Variants in NOL7 observed in about 807,000 individuals in gnomAD.
The protein encoded by NOL7 is U3 small nucleolar RNA-associated protein NOL7.
A neutral mutation model predicts 38.4 loss-of-function variants in NOL7; 36 were observed. The ratio of observed to expected loss-of-function variants is 0.94; its 90% CI spans 0.72 to 1.24. The LOEUF (loss-of-function observed/expected upper bound fraction) is 1.24. Ranked by LOEUF, NOL7 falls within the 50% of genes most tolerant of loss-of-function variation. NOL7 has a pLI of 0.00. For missense variants in NOL7, 350 were observed against 315.1 expected (o/e 1.11, Z -0.84); for synonymous variants, 142 against 126.5 (o/e 1.12, Z -0.82).
downstream of NOL7, chr6:13,625,896 C>T (rs550525650): frequency 6.9e-6 from 4 of 581,162 alleles, no homozygotes; most frequent in Admixed American, 1.0e-4. Context: ...CCCATTTACT[C>T]CCAGCACTGG....
intron 3 of NOL7, 111 bp downstream of exon 3, chr6:13,616,632 C>A: frequency 1.5e-6 from 1 of 657,072 alleles, no homozygotes; most frequent in African/African-American, 1.9e-5. Flanking sequence ...AACCCAAATT[C>A]AAAAGCTACC....
downstream of NOL7, chr6:13,622,198 A>G (rs1166117412): frequency 1.9e-5 from 12 of 623,842 alleles, no homozygotes; most frequent in Non-Finnish European, 2.8e-5. Context: ...ACACTAAGTT[A>G]GAAAATCATT....
chr6:13,624,874 G>C (rs990420958), downstream of NOL7, among the ~76,000 whole-genome samples: 2 of 152,098 alleles, frequency 1.3e-5, no homozygotes, highest in African/African-American at 4.8e-5. Flanking sequence ...GATCCTGCCG[G>C]GTACTCACAA....
At position 13,616,474 on chromosome 6, in the gene NOL7, C is replaced by T. The variant is rs756204820; in HGVS notation, c.339C>T (p.Leu113=). ...TTTCATTCCAAAAGAAAAGAAAACT[C>T]CTTCCAGACACTATTTTGGAGAAGT... ...ELFIEQKKRK[L]LPDTILEKLT... The change falls in exon 3 of 8, where the codon CTC becomes CTT. Residue 113 remains leucine (L), a synonymous_variant. Coordinates refer to ENST00000451315, the MANE Select transcript of NOL7 (RefSeq NM_016167.5). 9 of 1,607,400 alleles carry T rather than the reference C, an allele frequency of 5.6e-6. No individual in the cohort carries two copies. Among genetic ancestry groups the T allele is most frequent in the Non-Finnish European group, 7.6e-6 (9 of 1,176,820 alleles).
chr6:13,615,590 G>A lies in NOL7; in HGVS notation c.232G>A (p.Glu78Lys), dbSNP rs948415593. The A allele has an allele frequency of 1.9e-6, 3 of 1,582,612 alleles. No homozygotes were observed. The highest frequency in any genetic ancestry group is 2.6e-6 in the Non-Finnish European group (3 of 1,162,960). The change falls in exon 1 of 8, where the codon GAA becomes AAA. Residue 78 changes from glutamate to lysine, a missense_variant. Glu to Lys is a moderately conservative substitution (Grantham distance 56). Coordinates refer to ENST00000451315, the MANE Select transcript of NOL7 (RefSeq NM_016167.5). ...CGCCAGCGCCCAGGCGGAAGCGAGA[G>A]AAGAGGAGCGGCGAGTGCGGGAGAC... Reference protein sequence around the residue: ...TFASAQAEAREEERRVRETVR... With the variant: ...TFASAQAEARKEERRVRETVR...
chr6:13,625,629 T>G (rs1427102577), downstream of NOL7: 1 of 1,502,308 alleles, frequency 6.7e-7, no homozygotes, highest in Non-Finnish European at 9.3e-7. Context: ...TAACTGAAAT[T>G]GTGCCTTATT....
At chr6:13,625,971 G>A (rs1764591285), downstream of NOL7, among the ~76,000 whole-genome samples, 1 of 151,842 alleles carries the variant, frequency 6.6e-6, no homozygotes, top group Non-Finnish European at 1.5e-5. Flanking sequence ...TTTTTCCTGT[G>A]GACAGCCATT....
downstream of NOL7, among the ~76,000 whole-genome samples, chr6:13,624,450 C>T (rs986386787): frequency 3.3e-5 from 5 of 152,166 alleles, no homozygotes; most frequent in African/African-American, 1.2e-4. Context: ...GCACAGACTT[C>T]TAAACTAGAC....
chr6:13,628,555 C>T (rs1197409786), intron 8 of NOL7, among the ~76,000 whole-genome samples: 1 of 152,090 alleles, frequency 6.6e-6, no homozygotes, highest in Non-Finnish European at 1.5e-5. Context: ...AGAAGGATCA[C>T]ACAAAAACAC....
chr6:13,620,199 G>C lies in NOL7; in HGVS notation c.501-9G>C. ...TAATTCTTATTTAACCTTTTATATT[G>C]ATCAACAGCCAGAATAAAAGCTACT... On this transcript the variant is annotated splice_polypyrimidine_tract_variant and intron_variant, in intron 5 of 7. Coordinates refer to ENST00000451315, the MANE Select transcript of NOL7 (RefSeq NM_016167.5). 6 of 1,602,352 alleles carry C rather than the reference G, an allele frequency of 3.7e-6. No homozygotes were observed. Among genetic ancestry groups the C allele is most frequent in the Non-Finnish European group, 5.1e-6 (6 of 1,176,862 alleles).
rs554448328 is a variant in NOL7 at position 13,621,073 on chromosome 6, C to T, written c.*246C>T. ...AGCCATACCCACATCAGCAACAGCA[C>T]CTCTTCTACTCTCCCCGGGTTAGAG... On this transcript the variant is annotated 3_prime_UTR_variant, in exon 8 of 8. Coordinates refer to ENST00000451315, the MANE Select transcript of NOL7 (RefSeq NM_016167.5). The T allele has an allele frequency of 3.8e-6, 1 of 262,654 alleles. No homozygotes were observed. Among genetic ancestry groups the T allele is most frequent in the Non-Finnish European group, 7.3e-6 (1 of 136,622 alleles). The allele number at this position is 262,654 out of a possible 1,614,324, so 16.3% of individuals were successfully genotyped here.
rs755873110 is a variant in NOL7 at position 13,618,083 on chromosome 6, CTG to C, written c.447_448del (p.Cys149Ter). On this transcript the variant is annotated frameshift_variant, in exon 5 of 8. Coordinates refer to ENST00000451315, the MANE Select transcript of NOL7 (RefSeq NM_016167.5). LOFTEE classifies it high-confidence loss of function. The stretch of plus-strand genomic sequence containing the variant: ...TTAATTTGCAAAAGAAAAATGAAGA[CTG>C]TGAAAAAGGAAATGACTCCAAGAAA... ...EVNLQKKNED[C>X]EKGNDSKKVK... is the part of the protein sequence containing the mutation. 1.2e-5 allele frequency: 19 copies of C among 1,570,718 alleles called. No homozygotes were observed. The highest frequency in any genetic ancestry group is 6.7e-5 in the East Asian group (3 of 44,684).
chr6:13,632,270 T>C, intron 8 of NOL7: 1 of 1,257,822 alleles, frequency 8.0e-7, no homozygotes, highest in South Asian at 1.5e-5. Context: ...CAGGTCCCAG[T>C]TCCCTAACAA....
chr6:13,630,146 G>A (rs11965022), intron 8 of NOL7, among the ~76,000 whole-genome samples: 3,955 of 152,176 alleles, frequency 0.026, 153 homozygotes, highest in African/African-American at 0.088. Context: ...TGGGTCAGTT[G>A]CTCACCTTAT....
chr6:13,627,890 T>C (rs1278419735), intron 8 of NOL7, among the ~76,000 whole-genome samples: 1 of 151,826 alleles, frequency 6.6e-6, no homozygotes, highest in Non-Finnish European at 1.5e-5. Context: ...AAGACTACAC[T>C]GTCTAGTGCA....
chr6:13,625,787 G>A, downstream of NOL7: 1 of 1,497,196 alleles, frequency 6.7e-7, no homozygotes, highest in Non-Finnish European at 9.3e-7. Flanking sequence ...CATCGATTTG[G>A]TTTTAATTCA....
At chr6:13,619,511 G>A (rs916201868) in intron 5 of NOL7, among the ~76,000 whole-genome samples, 1 of 152,192 alleles carries the variant, frequency 6.6e-6, no homozygotes, top group African/African-American at 2.4e-5. Context: ...GACCATGAGA[G>A]GAATTCATCA....
intron 5 of NOL7, among the ~76,000 whole-genome samples, chr6:13,618,482 C>T (rs1376256999): frequency 6.6e-6 from 1 of 151,932 alleles, no homozygotes; most frequent in Non-Finnish European, 1.5e-5. Flanking sequence ...CTCCTGACCT[C>T]ATGATCCACC....
chr6:13,622,621 G>C, downstream of NOL7: 1 of 1,039,798 alleles, frequency 9.6e-7, no homozygotes, highest in Non-Finnish European at 1.3e-6. Flanking sequence ...ATCAGCAAAT[G>C]AAGGTTTCTA....
Sources: allele counts gnomAD v4.1 joint callset (sites outside exome capture counted in the v4.1 genomes callset), GRCh38; gene constraint gnomAD v4.1.1; transcripts MANE v1.5; gene names NCBI Gene and HGNC (gene_info 2026-07-23, HGNC 2026-07-21).